RFX8: variants seen among roughly 807,000 people sequenced by gnomAD.
RFX8 encodes the protein regulatory factor X8, also known as DNA-binding protein RFX8.
Under a neutral mutation model 54.6 loss-of-function variants are expected in RFX8, and 46 were observed. That is an observed-to-expected ratio of 0.84 (90% CI 0.67 to 1.08). RFX8 has a LOEUF of 1.08. Ranked by LOEUF, RFX8 falls within the 50% of genes least tolerant of loss-of-function variation. The pLI, the probability that RFX8 is intolerant of heterozygous loss-of-function variation, is 0.00. For missense variants in RFX8, 536 were observed against 562.3 expected (o/e 0.95, Z 0.47); for synonymous variants, 192 against 209.5 (o/e 0.92, Z 0.72).
intron 2 of RFX8, among the ~76,000 whole-genome samples, chr2:101,424,423 T>C (rs1394831232): frequency 6.6e-6 from 1 of 152,164 alleles, no homozygotes; most frequent in African/African-American, 2.4e-5. Flanking sequence ...GTTGGTGGAG[T>C]GTAAACTAGT....
Position 101,397,553 on chromosome 2 carries a change from C to A in RFX8, c.1417G>T (p.Val473Leu), listed in dbSNP as rs1220406848. 6.5e-7 allele frequency: 1 copy of A among 1,537,636 alleles called. No individual in the cohort carries two copies. The highest frequency in any genetic ancestry group is 8.8e-7 in the Non-Finnish European group (1 of 1,138,234). Reference sequence around the variant, plus strand: ...CTCTATTCAAATAAATAATCTCACACATTAGCATTGTTTTCTCTGAAATAA... The same window carrying A: ...CTCTATTCAAATAAATAATCTCACAAATTAGCATTGTTTTCTCTGAAATAA... ...DIYFRENNANV is the reference protein window; with the variant it reads ...DIYFRENNANL Residue 473 changes from valine to leucine, a missense_variant, in exon 12 of 12, where the codon GTG (valine) becomes TTG (leucine). Coordinates refer to ENST00000428343, the MANE Select transcript of RFX8 (RefSeq NM_001145664.2).
chr2:101,452,278 AGTT>A, intron 2 of RFX8: 1 of 597,572 alleles, frequency 1.7e-6, no homozygotes, highest in Non-Finnish European at 2.8e-6. Flanking sequence ...CTTTGGTAAG[AGTT>A]GTTATTTATA....
At chr2:101,454,483 C>A (rs1301723730) in intron 2 of RFX8, among the ~76,000 whole-genome samples, 1 of 152,196 alleles carries the variant, frequency 6.6e-6, no homozygotes, top group Non-Finnish European at 1.5e-5. Context: ...CTGTCTTCCA[C>A]AATGGTTGAA....
chr2:101,404,148 C>T (rs1232228481), intron 10 of RFX8, among the ~76,000 whole-genome samples: 4 of 152,192 alleles, frequency 2.6e-5, no homozygotes, highest in Admixed American at 2.6e-4. Flanking sequence ...ATTTCAAAGC[C>T]TTTTGTCCAT....
At chr2:101,416,151 G>T (rs1211645116) in intron 6 of RFX8, among the ~76,000 whole-genome samples, 1 of 151,972 alleles carries the variant, frequency 6.6e-6, no homozygotes, top group African/African-American at 2.4e-5. Flanking sequence ...TTGATTAATT[G>T]CTGCTTTAGA....
intron 7 of RFX8, 88 bp from the exon 8 acceptor site, chr2:101,413,159 T>G (rs1019342040): frequency 9.6e-7 from 1 of 1,046,034 alleles, no homozygotes; most frequent in Non-Finnish European, 1.4e-6. Flanking sequence ...AGATTTTTGT[T>G]GTGGGGGAGA....
At chr2:101,467,650 C>G (rs1464486954) in intron 1 of RFX8, among the ~76,000 whole-genome samples, 1 of 152,128 alleles carries the variant, frequency 6.6e-6, no homozygotes, top group Non-Finnish European at 1.5e-5. Context: ...TTCAACTACC[C>G]AAATGCTCCT....
Position 101,467,449 on chromosome 2 carries a change from G to C in RFX8, c.-52-549C>G, listed in dbSNP as rs73943487. Among the ~76,000 whole-genome samples the C allele has an allele frequency of 7.1e-3, 1,080 of 152,254 alleles. 13 individuals are homozygous for C. Among genetic ancestry groups the C allele is most frequent in the African/African-American group, 0.025 (1,040 of 41,540 alleles). On this transcript the variant is annotated intron_variant, in intron 1 of 11. Transcript: ENST00000428343. The stretch of plus-strand genomic sequence containing the variant: ...TCTTAAACCCCTGTGGTTTAGGGCA[G>C]GCCATTATGTTTGGATTCTTTGAAT...
chr2:101,409,593 G>A (rs2104539382), intron 9 of RFX8, among the ~76,000 whole-genome samples: 1 of 151,268 alleles, frequency 6.6e-6, no homozygotes, highest in African/African-American at 2.4e-5. Context: ...TCCGCCTGCT[G>A]GGTTCAAGCG....
At chr2:101,461,252 G>A (rs1406044033) in intron 2 of RFX8, among the ~76,000 whole-genome samples, 2 of 93,574 alleles carry the variant, frequency 2.1e-5, no homozygotes, top group Non-Finnish European at 3.7e-5. Flanking sequence ...GACAGAGTGA[G>A]ACTCCATCTC....
At chr2:101,446,279 G>C (rs1007321937) in intron 2 of RFX8, among the ~76,000 whole-genome samples, 1 of 152,136 alleles carries the variant, frequency 6.6e-6, no homozygotes, top group Admixed American at 6.5e-5. Context: ...AGGTTCAAGC[G>C]ATTCTGCTGC....
At chr2:101,416,197 G>T (rs1006423742) in intron 6 of RFX8, among the ~76,000 whole-genome samples, 1 of 152,088 alleles carries the variant, frequency 6.6e-6, no homozygotes, top group East Asian at 1.9e-4. Flanking sequence ...TGGCTGGGGA[G>T]GGGGGTGGAA....
intron 2 of RFX8, among the ~76,000 whole-genome samples, chr2:101,464,876 T>C (rs1463756359): frequency 1.3e-5 from 2 of 151,960 alleles, no homozygotes; most frequent in Non-Finnish European, 2.9e-5. Flanking sequence ...GAAAAGGAGG[T>C]AGGCATCCCA....
intron 2 of RFX8, among the ~76,000 whole-genome samples, chr2:101,427,975 C>G (rs998649212): frequency 6.6e-6 from 1 of 152,074 alleles, no homozygotes; most frequent in African/African-American, 2.4e-5. Flanking sequence ...TTATCCCCCC[C>G]GCCCCCCGCA....
chr2:101,474,097 C>G, intron 1 of RFX8: 1 of 515,490 alleles, frequency 1.9e-6, no homozygotes. Context: ...GCTCCTCACA[C>G]CCGGCTTTGA....
chr2:101,404,054 T>C (rs535604159), intron 10 of RFX8, among the ~76,000 whole-genome samples: 1 of 152,332 alleles, frequency 6.6e-6, no homozygotes, highest in African/African-American at 2.4e-5. Context: ...ATTATCAGTT[T>C]GCTGCAACTT....
At chr2:101,407,550 G>T (rs1339200443) in intron 9 of RFX8, among the ~76,000 whole-genome samples, 1 of 152,150 alleles carries the variant, frequency 6.6e-6, no homozygotes, top group Admixed American at 6.6e-5. Context: ...AAATTAGCTG[G>T]GCAGGGTGGC....
Position 101,405,960 on chromosome 2 carries a change from C to T in RFX8, c.911G>A (p.Cys304Tyr). Residue 304 changes from cysteine (C) to tyrosine (Y), a missense_variant, in exon 10 of 12, where the codon TGC (cysteine) becomes TAC (tyrosine). By Grantham distance (194) the Cys-to-Tyr change is radical. Coordinates refer to ENST00000428343, the MANE Select transcript of RFX8 (RefSeq NM_001145664.2). ...TGACTTACCAAAACTATCTCTGTGG[C>T]AGAGGGTCATGGCTTTGCTTACAGC... ...LTAVSKAMTLCHRDSFGSWHL... is the reference protein window; with the variant it reads ...LTAVSKAMTLYHRDSFGSWHL... 1 of 1,535,384 alleles carries T rather than the reference C, an allele frequency of 6.5e-7. No individual in the cohort carries two copies. The highest frequency in any genetic ancestry group is 8.8e-7 in the Non-Finnish European group (1 of 1,139,506).
At chr2:101,432,994 T>C (rs577000222) in intron 2 of RFX8, among the ~76,000 whole-genome samples, 2 of 151,916 alleles carry the variant, frequency 1.3e-5, no homozygotes, top group Non-Finnish European at 2.9e-5. Flanking sequence ...TTACCTAGGA[T>C]GTTAGGATTT....
Sources: allele counts gnomAD v4.1 joint callset (sites outside exome capture counted in the v4.1 genomes callset), GRCh38; gene constraint gnomAD v4.1.1; transcripts MANE v1.5; gene names NCBI Gene and HGNC (gene_info 2026-07-23, HGNC 2026-07-21).